LHFPL1: variants seen among roughly 807,000 people sequenced by gnomAD.
The protein encoded by LHFPL1 is LHFPL tetraspan subfamily member 1 protein.
A neutral mutation model predicts 12.1 loss-of-function variants in LHFPL1; 4 were observed. That is an observed-to-expected ratio of 0.33 (90% CI 0.16 to 0.76). LHFPL1 has a LOEUF of 0.76. LHFPL1 is among the 30% of genes least tolerant of loss of function. The pLI is 0.61. For missense variants in LHFPL1, 141 were observed against 174.1 expected, an observed-to-expected ratio of 0.81 and a Z score of 1.07; for synonymous variants, 52 against 61.9, an observed-to-expected ratio of 0.84 and a Z score of 0.75.
intron 3 of LHFPL1, among the ~76,000 whole-genome samples, chrX:112,658,198 G>A (rs1340219469): frequency 1.8e-5 from 2 of 110,622 alleles, no homozygotes; most frequent in East Asian, 5.7e-4. Flanking sequence ...GCCGAGGCAG[G>A]CAGATCACTT....
At chrX:112,646,888 G>A (rs1248504029) in intron 3 of LHFPL1, among the ~76,000 whole-genome samples, 1 of 111,466 alleles carries the variant, frequency 9.0e-6, no homozygotes, top group Non-Finnish European at 1.9e-5. Flanking sequence ...CTCACCAATG[G>A]AGAGGAAAAA....
intron 3 of LHFPL1, among the ~76,000 whole-genome samples, chrX:112,655,584 A>G (rs747413874): frequency 9.0e-6 from 1 of 111,474 alleles, no homozygotes; most frequent in Non-Finnish European, 1.9e-5. Flanking sequence ...GCCCGCCTCT[A>G]TTCTCCTCCC....
chrX:112,679,362 C>T (rs1931742927), intron 1 of LHFPL1, among the ~76,000 whole-genome samples: 1 of 112,225 alleles, frequency 8.9e-6, no homozygotes, highest in Non-Finnish European at 1.9e-5. Context: ...TCAATATTTG[C>T]ATTTCAGTTT....
chrX:112,656,259 A>C (rs954818340), intron 3 of LHFPL1, among the ~76,000 whole-genome samples: 2 of 111,702 alleles, frequency 1.8e-5, no homozygotes, highest in Non-Finnish European at 3.8e-5. Flanking sequence ...AAAAGACAAA[A>C]ATTACATGAT....
intron 2 of LHFPL1, among the ~76,000 whole-genome samples, chrX:112,665,183 CTT>C (rs370572077): frequency 2.0e-5 from 2 of 98,010 alleles, no homozygotes; most frequent in African/African-American, 7.4e-5. Flanking sequence ...AAGTCTGTCT[CTT>C]TTTTTTTTTT....
At chrX:112,646,937 C>T (rs1287738828) in intron 3 of LHFPL1, among the ~76,000 whole-genome samples, 1 of 111,904 alleles carries the variant, frequency 8.9e-6, no homozygotes, top group African/African-American at 3.2e-5. Flanking sequence ...AGAAGATAGG[C>T]TCCATTCATT....
chrX:112,657,240 T>C (rs1931033355), intron 3 of LHFPL1, among the ~76,000 whole-genome samples: 1 of 112,139 alleles, frequency 8.9e-6, no homozygotes, highest in Non-Finnish European at 1.9e-5. Context: ...TCCAAATAAG[T>C]GAAAATGTTC....
intron 3 of LHFPL1, among the ~76,000 whole-genome samples, chrX:112,647,951 A>T (rs776780875): frequency 5.4e-5 from 6 of 112,042 alleles, no homozygotes; most frequent in African/African-American, 1.6e-4. Context: ...TAGAGTGGAT[A>T]AAGAAAATGT....
chrX:112,641,068 C>T (rs1470632918), intron 3 of LHFPL1, among the ~76,000 whole-genome samples: 1 of 111,291 alleles, frequency 9.0e-6, no homozygotes, highest in Non-Finnish European at 1.9e-5. Context: ...TGCATGTTCC[C>T]TCATTCTAGC....
intron 1 of LHFPL1, among the ~76,000 whole-genome samples, chrX:112,675,123 TGGG>T (rs1364631541): frequency 2.7e-5 from 3 of 111,119 alleles, no homozygotes; most frequent in African/African-American, 6.6e-5. Flanking sequence ...TTTGGGGACT[TGGG>T]GGGAAGGCGA....
intron 2 of LHFPL1, among the ~76,000 whole-genome samples, chrX:112,667,620 A>T (rs1044552567): frequency 4.4e-5 from 5 of 112,529 alleles, no homozygotes; most frequent in African/African-American, 1.6e-4. Context: ...AGCATCTTGC[A>T]TATGTATAAA....
intron 3 of LHFPL1, among the ~76,000 whole-genome samples, chrX:112,649,778 T>G (rs1015594126): frequency 8.9e-6 from 1 of 111,911 alleles, no homozygotes; most frequent in Non-Finnish European, 1.9e-5. Flanking sequence ...ATATGTATTT[T>G]GTCTTTTATA....
chrX:112,671,259 G>T lies in LHFPL1; in HGVS notation c.132C>A (p.Phe44Leu), dbSNP rs751068693. ...GGTAGTTGCACCTCCGGAATGTGCT[G>T]AATGACACTGGCTTCCCCATCTGGG... ...FGSQMGKPVS[F>L]STFRRCNYPV... Residue 44 changes from phenylalanine (F) to leucine (L), a missense_variant, in exon 2 of 4, where the codon TTC (phenylalanine) becomes TTA (leucine). Phe to Leu is a conservative substitution (Grantham distance 22). Coordinates refer to ENST00000371968, the MANE Select transcript of LHFPL1 (RefSeq NM_178175.4). 4.9e-6 allele frequency: 6 copies of T among 1,212,179 alleles called. No homozygotes were observed. In the South Asian group the frequency reaches 1.1e-4, roughly 21 times the overall value.
intron 2 of LHFPL1, among the ~76,000 whole-genome samples, 169 bp downstream of exon 2, chrX:112,670,840 T>G (rs946580424): frequency 3.6e-5 from 4 of 112,370 alleles, no homozygotes; most frequent in African/African-American, 1.3e-4. Flanking sequence ...TGATATTGAT[T>G]GCACTTTGGG....
chrX:112,640,673 T>A (rs1461611861), intron 3 of LHFPL1, among the ~76,000 whole-genome samples: 4 of 112,011 alleles, frequency 3.6e-5, no homozygotes, highest in African/African-American at 9.7e-5. Flanking sequence ...GTAACCTAGA[T>A]GAGAACTTAC....
intron 2 of LHFPL1, among the ~76,000 whole-genome samples, chrX:112,661,021 G>C (rs1358734885): frequency 8.9e-6 from 1 of 112,022 alleles, no homozygotes; most frequent in African/African-American, 3.2e-5. Flanking sequence ...GACTTACAAG[G>C]CTGGGTTGGC....
intron 3 of LHFPL1, among the ~76,000 whole-genome samples, chrX:112,634,455 T>C (rs1930281672): frequency 9.0e-6 from 1 of 111,580 alleles, no homozygotes; most frequent in African/African-American, 3.3e-5. Context: ...CCCCAGCTTA[T>C]TCCAAATCTA....
chrX:112,673,605 T>C (rs1371653495), intron 1 of LHFPL1, among the ~76,000 whole-genome samples: 1 of 111,600 alleles, frequency 9.0e-6, no homozygotes, highest in Non-Finnish European at 1.9e-5. Context: ...CCAAATCCAT[T>C]ATTATATGTG....
At chrX:112,659,203 A>C (rs1260839113) in intron 3 of LHFPL1, among the ~76,000 whole-genome samples, 1 of 111,620 alleles carries the variant, frequency 9.0e-6, no homozygotes, top group Non-Finnish European at 1.9e-5. Flanking sequence ...GGCTCCCTGT[A>C]ATCCCAGCAC....
Sources: allele counts gnomAD v4.1 joint callset (sites outside exome capture counted in the v4.1 genomes callset), GRCh38; gene constraint gnomAD v4.1.1; transcripts MANE v1.5; gene names NCBI Gene and HGNC (gene_info 2026-07-23, HGNC 2026-07-21).